STX8: variants seen among roughly 807,000 people sequenced by gnomAD.
STX8 encodes syntaxin-8.
Under a neutral mutation model 37.5 loss-of-function variants are expected in STX8, and 23 were observed. The ratio of observed to expected loss-of-function variants is 0.61; its 90% CI spans 0.44 to 0.87. The LOEUF is 0.87. Among genes scored for constraint, STX8 ranks in the 40% least tolerant of loss-of-function variants. STX8 has a pLI of 0.00. For synonymous variants in STX8, 115 were observed against 99.1 expected (o/e 1.16, Z -0.95); for missense variants, 313 against 284.7 (o/e 1.10, Z -0.71).
At chr17:9,378,702 CATCACAGT>C in intron 6 of STX8, 49 bp from the exon 7 acceptor site, 6 of 1,369,808 alleles carry the variant, frequency 4.4e-6, no homozygotes, top group Admixed American at 1.7e-5. Flanking sequence ...CCCCGGTTCA[CATCACAGT>C]ATCACAGCTG....
At chr17:9,521,127 T>G (rs1010362018) in intron 4 of STX8, among the ~76,000 whole-genome samples, 4 of 152,230 alleles carry the variant, frequency 2.6e-5, no homozygotes, top group Admixed American at 2.6e-4. Flanking sequence ...AAATAGATTC[T>G]TTGACAGAAA....
chr17:9,427,140 G>A (rs1247201021), intron 6 of STX8, among the ~76,000 whole-genome samples: 1 of 152,150 alleles, frequency 6.6e-6, no homozygotes, highest in Non-Finnish European at 1.5e-5. Context: ...TTCCAAAAGT[G>A]TATTCGTGGC....
intron 7 of STX8, among the ~76,000 whole-genome samples, chr17:9,265,360 C>G (rs534541055): frequency 6.6e-6 from 1 of 152,202 alleles, no homozygotes; most frequent in African/African-American, 2.4e-5. Context: ...GGATGGGGCA[C>G]GCTAGTCGCT....
rs1309690169 is a variant in STX8 at position 9,372,774 on chromosome 17, C to T, written c.643+5778G>A. Among the ~76,000 whole-genome samples, 6 of 128,524 alleles carry T rather than the reference C, an allele frequency of 4.7e-5. No homozygotes were observed. The East Asian group carries it at 1.2e-3, about 26-fold the overall frequency. The allele number at this position is 128,524 out of a possible 152,430, so 84.3% of individuals were successfully genotyped here. On this transcript the variant is annotated intron_variant, in intron 7 of 7. Coordinates refer to ENST00000306357, the MANE Select transcript of STX8 (RefSeq NM_004853.3). ...TACAGGCATGAGCCACCACGCCCAG[C>T]CCTCATTTTTTTTTTTTTTTTTTTT... is the stretch of plus-strand genomic sequence containing the variant.
At position 9,390,761 on chromosome 17, in the gene STX8, C is replaced by T. The variant is rs576950115; in HGVS notation, c.542-12108G>A. Among the ~76,000 whole-genome samples, 52 of 135,936 alleles carry T rather than the reference C, an allele frequency of 3.8e-4. 1 individual carries two copies. The South Asian group carries it at 0.012, about 32-fold the overall frequency. 89.2% of individuals were successfully genotyped at this position (135,936 alleles called of 152,430 possible). On this transcript the variant is annotated intron_variant, in intron 6 of 7. Transcript: ENST00000306357. ...CTGAGGCAGGAGAATCACTTGAACC[C>T]GGGAGGTGGAGGTTGCAGTGAGCCG...
At chr17:9,287,447 A>G (rs949596466) in intron 7 of STX8, among the ~76,000 whole-genome samples, 3 of 152,176 alleles carry the variant, frequency 2.0e-5, no homozygotes, top group Non-Finnish European at 4.4e-5. Context: ...AGAAGAAGAA[A>G]GGGATATGAC....
At chr17:9,369,220 T>C (rs1053595444) in intron 7 of STX8, among the ~76,000 whole-genome samples, 4 of 152,140 alleles carry the variant, frequency 2.6e-5, no homozygotes, top group South Asian at 2.1e-4. Flanking sequence ...TGAAGGCAGA[T>C]AGGCACTGAT....
intron 7 of STX8, among the ~76,000 whole-genome samples, chr17:9,306,383 G>A (rs997851420): frequency 1.3e-5 from 2 of 152,108 alleles, no homozygotes; most frequent in Non-Finnish European, 2.9e-5. Flanking sequence ...AGAAGACAGG[G>A]AGCGGGGAAT....
chr17:9,396,787 A>T (rs529355656), intron 6 of STX8, among the ~76,000 whole-genome samples: 1 of 152,250 alleles, frequency 6.6e-6, no homozygotes, highest in East Asian at 1.9e-4. Context: ...TCAAAATCCG[A>T]ACTGTACAGC....
intron 7 of STX8, among the ~76,000 whole-genome samples, chr17:9,376,537 C>G (rs2142281312): frequency 1.3e-5 from 2 of 152,338 alleles, no homozygotes; most frequent in East Asian, 3.9e-4. Context: ...AAAATCAGGC[C>G]ACCTGAGGCA....
At chr17:9,379,776 C>T (rs1373182339) in intron 6 of STX8, among the ~76,000 whole-genome samples, 1 of 152,022 alleles carries the variant, frequency 6.6e-6, no homozygotes, top group Admixed American at 6.6e-5. Context: ...CGAGACCAGC[C>T]TGACCAACAT....
intron 6 of STX8, among the ~76,000 whole-genome samples, chr17:9,475,872 C>T (rs560112050): frequency 6.6e-5 from 10 of 152,314 alleles, no homozygotes; most frequent in East Asian, 1.9e-4. Context: ...AGAAAGAAGC[C>T]TTTCGGGTAA....
intron 6 of STX8, among the ~76,000 whole-genome samples, chr17:9,430,091 ATATAATATATATATT>A (rs1208753840): frequency 1.4e-5 from 1 of 73,860 alleles, no homozygotes; most frequent in Non-Finnish European, 2.5e-5. Context: ...TATATATTCT[ATATAATATATATATT>A]TTATATATAA....
intron 4 of STX8, among the ~76,000 whole-genome samples, chr17:9,536,995 G>A (rs948284185): frequency 3.9e-5 from 6 of 151,914 alleles, no homozygotes; most frequent in South Asian, 2.1e-4. Context: ...ATCCACCCCC[G>A]CCCTGGCCTC....
chr17:9,469,530 G>T (rs973759889), intron 6 of STX8, among the ~76,000 whole-genome samples: 2 of 152,134 alleles, frequency 1.3e-5, no homozygotes, highest in African/African-American at 2.4e-5. Context: ...TACATCCCAA[G>T]TCGTTGCTTC....
intron 6 of STX8, among the ~76,000 whole-genome samples, chr17:9,380,513 C>G (rs1265370618): frequency 6.6e-6 from 1 of 151,722 alleles, no homozygotes; most frequent in African/African-American, 2.4e-5. Context: ...GTCAGCCTCT[C>G]AAAGTGTTAG....
At chr17:9,288,736 A>C (rs575847086) in intron 7 of STX8, among the ~76,000 whole-genome samples, 23 of 151,980 alleles carry the variant, frequency 1.5e-4, no homozygotes, top group African/African-American at 5.5e-4. Context: ...TTTAAGACTC[A>C]CTTGAAGAAA....
chr17:9,557,283 A>C (rs959575884), intron 3 of STX8, 151 bp downstream of exon 3: 4 of 609,256 alleles, frequency 6.6e-6, no homozygotes, highest in Middle Eastern at 2.8e-4. Flanking sequence ...CAGACACTTA[A>C]AATAGAAATC....
intron 7 of STX8, among the ~76,000 whole-genome samples, chr17:9,357,260 G>A (rs542611303): frequency 2.6e-5 from 4 of 152,004 alleles, no homozygotes; most frequent in African/African-American, 9.7e-5. Context: ...GAGCCACTGC[G>A]CCCGGCCCTT....
Sources: allele counts gnomAD v4.1 joint callset (sites outside exome capture counted in the v4.1 genomes callset), GRCh38; gene constraint gnomAD v4.1.1; transcripts MANE v1.5; gene names NCBI Gene and HGNC (gene_info 2026-07-23, HGNC 2026-07-21).